Variants in CLEC4E observed in about 807,000 individuals in gnomAD.
CLEC4E encodes C-type lectin domain family 4 member E.
In CLEC4E, 21 loss-of-function variants were observed where a neutral mutation model predicts 24.7. That is an observed-to-expected ratio of 0.85 (90% CI 0.60 to 1.22). The LOEUF (loss-of-function observed/expected upper bound fraction) is 1.22. CLEC4E is among the 50% of genes most tolerant of loss of function. The pLI, the probability that CLEC4E is intolerant of heterozygous loss-of-function variation, is 0.00. For missense variants in CLEC4E, 249 were observed against 254.1 expected (o/e 0.98, Z 0.14); for synonymous variants, 94 against 85.7 (o/e 1.10, Z -0.54).
rs760171934 is a variant in CLEC4E, at chr12:8,539,910, A to C, written c.75T>G (p.Thr25=). 23 of 1,612,156 alleles carry C rather than the reference A, an allele frequency of 1.4e-5. No individual in the cohort carries two copies. Among genetic ancestry groups the C allele is most frequent in the Admixed American group, 1.2e-4 (7 of 60,014 alleles). The change falls in exon 2 of 6, where the codon ACT becomes ACG. Residue 25 remains threonine (T), a synonymous_variant. Coordinates refer to ENST00000299663, the MANE Select transcript of CLEC4E (RefSeq NM_014358.4). ...GAAATAGGATGGGGATCCCAGCAACAGTCCATAAGAACATTTGGGAAGAGA... is the reference window on the plus strand; with the variant it reads ...GAAATAGGATGGGGATCCCAGCAACCGTCCATAAGAACATTTGGGAAGAGA... ...GCFSSQMFLW[T]VAGIPILFLS...
chr12:8,540,709 A>G lies in CLEC4E; in HGVS notation c.37+52T>C, dbSNP rs375083237. The G allele has an allele frequency of 8.7e-6, 13 of 1,500,258 alleles. No individual in the cohort carries two copies. In the African/African-American group the frequency reaches 1.1e-4, roughly 13 times the overall value. The allele number at this position is 1,500,258 out of a possible 1,614,324, so 92.9% of individuals were successfully genotyped here. A position where few individuals can be genotyped will look rare whatever the true frequency, so the allele number is the denominator to read the frequency against. On this transcript the variant is annotated intron_variant, in intron 1 of 5. Transcript: ENST00000299663. ...TGTCCTGTCTTTCACCATATTTATC[A>G]CTTGTTCCAAAAAGAGATCTATGGA...
intron 1 of CLEC4E, 73 bp downstream of exon 1, chr12:8,540,688 C>A: frequency 7.6e-7 from 1 of 1,317,576 alleles, no homozygotes; most frequent in Non-Finnish European, 1.1e-6. Flanking sequence ...TTCTATTGTC[C>A]TGTCTTTCAC....
At position 8,537,166 on chromosome 12, in the gene CLEC4E, G is replaced by A; in HGVS notation, c.321C>T (p.Asn107=). The A allele has an allele frequency of 6.2e-7, 1 of 1,614,136 alleles. No individual in the cohort carries two copies. Among genetic ancestry groups the A allele is most frequent in the Non-Finnish European group, 8.5e-7 (1 of 1,179,964 alleles). ...CCAGGTGAGCCCCCATGGCTGAGCAGTTCTTTAAACTTAACGCCCAGGAAA... is the reference window on the plus strand; with the variant it reads ...CCAGGTGAGCCCCCATGGCTGAGCAATTCTTTAAACTTAACGCCCAGGAAA... ...DTISWALSLK[N]CSAMGAHLVV... The change falls in exon 4 of 6, where the codon AAC becomes AAT. Residue 107 remains asparagine, a synonymous_variant. Transcript: ENST00000299663.
Position 8,537,286 on chromosome 12 carries a change from A to G in CLEC4E, c.221-20T>C. On this transcript the variant is annotated intron_variant, in intron 3 of 5. Transcript: ENST00000299663. The stretch of plus-strand genomic sequence containing the variant: ...CTGAACCTAGGATGAGAGATGTTTC[A>G]GTGAGTGTCCCAGGTGAACCGAATA... 6.2e-7 allele frequency: 1 copy of G among 1,609,266 alleles called. No individual in the cohort carries two copies. The highest frequency in any genetic ancestry group is 8.5e-7 in the Non-Finnish European group (1 of 1,176,212).
At chr12:8,538,947 G>GA (rs1298055167) in intron 3 of CLEC4E, 17 of 406,266 alleles carry the variant, frequency 4.2e-5, no homozygotes, top group East Asian at 3.9e-4. Context: ...GTAGGTGAAT[G>GA]AAAAAAAAGG....
Position 8,533,577 on chromosome 12 carries a change from T to A in CLEC4E, c.*1061A>T, listed in dbSNP as rs1032061595. 1 of 152,220 alleles carries A rather than the reference T, an allele frequency of 6.6e-6. No individual in the cohort carries two copies. Among genetic ancestry groups the A allele is most frequent in the Admixed American group, 6.5e-5 (1 of 15,286 alleles). 9.4% of individuals were successfully genotyped at this position (152,220 alleles called of 1,614,324 possible). ...TCGGTAGAACTGGAGACCATTATCCTTAGCAAACATGGGAACAGAAAACCA... is the reference window on the plus strand; with the variant it reads ...TCGGTAGAACTGGAGACCATTATCCATAGCAAACATGGGAACAGAAAACCA... On this transcript the variant is annotated 3_prime_UTR_variant, in exon 6 of 6. Coordinates refer to ENST00000299663, the MANE Select transcript of CLEC4E (RefSeq NM_014358.4).
intron 4 of CLEC4E, 105 bp from the exon 5 acceptor site, chr12:8,536,310 C>A (rs1347133219): frequency 9.8e-6 from 6 of 611,184 alleles, no homozygotes; most frequent in Non-Finnish European, 1.4e-5. Context: ...GATCCTAGCA[C>A]TTTGGGAGGC....
chr12:8,540,862 TCTC>T lies in CLEC4E; in HGVS notation c.-68_-66del. On this transcript the variant is annotated 5_prime_UTR_variant, in exon 1 of 6. Transcript: ENST00000299663. The stretch of plus-strand genomic sequence containing the variant: ...TTTTCTCTCCCTCCCTCTCTTTCTT[TCTC>T]CTCAGGAGTGTTTTGTTGGTAAGAT... 9.6e-7 allele frequency: 1 copy of T among 1,039,592 alleles called. No homozygotes were observed. The highest frequency in any genetic ancestry group is 1.5e-6 in the Non-Finnish European group (1 of 658,828). 64.4% of individuals were successfully genotyped at this position (1,039,592 alleles called of 1,614,324 possible). A position where few individuals can be genotyped will look rare whatever the true frequency, so the allele number is the denominator to read the frequency against.
At chr12:8,538,484 C>T (rs1223937626) in intron 3 of CLEC4E, among the ~76,000 whole-genome samples, 2 of 152,232 alleles carry the variant, frequency 1.3e-5, no homozygotes, top group Non-Finnish European at 2.9e-5. Flanking sequence ...AGATGACTCA[C>T]ACTCTCTACC....
intron 2 of CLEC4E, among the ~76,000 whole-genome samples, chr12:8,539,615 G>T (rs1940667574): frequency 1.3e-5 from 2 of 152,106 alleles, no homozygotes; most frequent in African/African-American, 4.8e-5. Flanking sequence ...ATTCAGGACT[G>T]CCAAGGAAGT....
At chr12:8,534,863 A>G in intron 5 of CLEC4E, 54 bp from the exon 6 acceptor site, 1 of 1,443,544 alleles carries the variant, frequency 6.9e-7, no homozygotes, top group Non-Finnish European at 9.5e-7. Context: ...AGGTAAAGTA[A>G]CCTAATATAC....
chr12:8,536,338 C>G (rs996815513), intron 4 of CLEC4E, 133 bp from the exon 5 acceptor site: 3 of 493,932 alleles, frequency 6.1e-6, no homozygotes, highest in Non-Finnish European at 1.1e-5. Context: ...GGTGGATCAC[C>G]TGAGGTCAGG....
chr12:8,533,975 C>T lies in CLEC4E; in HGVS notation c.*663G>A, dbSNP rs758229582. 13 of 152,308 alleles carry T rather than the reference C, an allele frequency of 8.5e-5. No individual in the cohort carries two copies. The highest frequency in any genetic ancestry group is 7.2e-4 in the Admixed American group (11 of 15,302). The allele number at this position is 152,308 out of a possible 1,614,324, so 9.4% of individuals were successfully genotyped here. Reference sequence around the variant, plus strand: ...GATACAAAATCTGGTGAGATCCATTCAGTCAATTGAAAATAAGGCAGAGCA... The same window carrying T: ...GATACAAAATCTGGTGAGATCCATTTAGTCAATTGAAAATAAGGCAGAGCA... On this transcript the variant is annotated 3_prime_UTR_variant, in exon 6 of 6. Coordinates refer to ENST00000299663, the MANE Select transcript of CLEC4E (RefSeq NM_014358.4).
At chr12:8,538,256 A>G (rs948553468) in intron 3 of CLEC4E, among the ~76,000 whole-genome samples, 16 of 151,882 alleles carry the variant, frequency 1.1e-4, no homozygotes, top group South Asian at 2.1e-4. Flanking sequence ...CAGTGGTCAC[A>G]CTCCTAGTCT....
Position 8,534,515 on chromosome 12 carries a change from T to A in CLEC4E, c.*123A>T, listed in dbSNP as rs777205129. On this transcript the variant is annotated 3_prime_UTR_variant, in exon 6 of 6. Transcript: ENST00000299663. ...TTAAAACTACTTATTTTTATTTATA[T>A]CAGAGTAACAAATACTTATGAAGTC... 1.6e-6 allele frequency: 1 copy of A among 619,200 alleles called. No individual in the cohort carries two copies. Among genetic ancestry groups the A allele is most frequent in the Non-Finnish European group, 2.7e-6 (1 of 364,438 alleles). The allele number at this position is 619,200 out of a possible 1,614,324, so 38.4% of individuals were successfully genotyped here.
chr12:8,537,299 G>T (rs1940629179), intron 3 of CLEC4E, 33 bp from the exon 4 acceptor site: 1 of 1,593,626 alleles, frequency 6.3e-7, no homozygotes, highest in Non-Finnish European at 8.6e-7. Context: ...GAGTGTCCCA[G>T]GTGAACCGAA....
At position 8,539,290 on chromosome 12, in the gene CLEC4E, A is replaced by G. The variant is rs1247795217; in HGVS notation, c.147T>C (p.Phe49=). 6.2e-7 allele frequency: 1 copy of G among 1,609,824 alleles called. No individual in the cohort carries two copies. Among genetic ancestry groups the G allele is most frequent in the Non-Finnish European group, 8.5e-7 (1 of 1,177,534 alleles). The part of the protein sequence containing the change: ...ITRCVVTFRI[F]QTCDEKKFQL... ...GAAACTTTTTCTCATCACAGGTTTG[A>G]AAGATGCGAAATGTCACTGTAAAAG... The change falls in exon 3 of 6, where the codon TTT becomes TTC. Residue 49 remains phenylalanine (F), a synonymous_variant. Coordinates refer to ENST00000299663, the MANE Select transcript of CLEC4E (RefSeq NM_014358.4).
In CLEC4E at chr12:8,534,619, TGA is replaced by T. The variant is rs1940587105; in HGVS notation, c.*17_*18del. 2.5e-6 allele frequency: 4 copies of T among 1,601,528 alleles called. No homozygotes were observed. The highest frequency in any genetic ancestry group is 3.4e-6 in the Non-Finnish European group (4 of 1,171,268). ...TCTTGCTCTTCCTTCTTTACACATT[TGA>T]GTTGTGCCTTCTGTTCTTAAAGAGA... On this transcript the variant is annotated 3_prime_UTR_variant, in exon 6 of 6. Coordinates refer to ENST00000299663, the MANE Select transcript of CLEC4E (RefSeq NM_014358.4).
chr12:8,537,246 GACA>G lies in CLEC4E; in HGVS notation c.238_240del (p.Cys80del). The G allele has an allele frequency of 1.2e-6, 2 of 1,613,600 alleles. No homozygotes were observed. The highest frequency in any genetic ancestry group is 1.7e-6 in the Non-Finnish European group (2 of 1,179,648). ...GATTGAAAATATTCCCAGTTCAATG[GACA>G]ACAATTCTTGACTGAACCTAGGATG... On this transcript the variant is annotated inframe_deletion, in exon 4 of 6. Transcript: ENST00000299663.
Sources: allele counts gnomAD v4.1 joint callset (sites outside exome capture counted in the v4.1 genomes callset), GRCh38; gene constraint gnomAD v4.1.1; transcripts MANE v1.5; gene names NCBI Gene and HGNC (gene_info 2026-07-23, HGNC 2026-07-21).